The following LGR4 variants were observed in gnomAD, a reference collection of about 807,000 sequenced individuals.
The protein encoded by LGR4 is leucine rich repeat containing G protein-coupled receptor 4, also known as leucine-rich repeat-containing G protein-coupled receptor 4.
Under a neutral mutation model 84.8 loss-of-function variants are expected in LGR4, and 44 were observed. That is an observed-to-expected ratio of 0.52 (90% CI 0.41 to 0.67). The LOEUF is 0.67. Ranked by LOEUF, LGR4 falls within the 30% of genes least tolerant of loss-of-function variation. The pLI is 0.00. For missense variants in LGR4, 1,032 were observed against 1,131.4 expected, an observed-to-expected ratio of 0.91 and a Z score of 1.26; for synonymous variants, 429 against 434.3, an observed-to-expected ratio of 0.99 and a Z score of 0.15.
intron 16 of LGR4, 57 bp from the exon 17 acceptor site, chr11:27,371,755 A>G: frequency 7.7e-7 from 1 of 1,303,712 alleles, no homozygotes; most frequent in South Asian, 1.2e-5. Context: ...CAAAAGAACC[A>G]TATTTTCCTG....
At position 27,382,252 on chromosome 11, in the gene LGR4, A is replaced by C. The variant is rs1474383258; in HGVS notation, c.694T>G (p.Leu232Val). The change falls in exon 7 of 18, where the codon TTG (leucine) becomes GTG (valine). Residue 232 changes from leucine to valine, a missense_variant. By Grantham distance (32) the Leu-to-Val change is conservative (BLOSUM62 1). Coordinates refer to ENST00000379214, the MANE Select transcript of LGR4 (RefSeq NM_018490.5). ...DGLDNLETLD[L>V]NYNNLGEFPQ... ...AATTCCCCCAAGTTATTATAATTCA[A>C]GTCTCTAGAAAAAAATGGGTGAAAA... The C allele has an allele frequency of 3.1e-6, 5 of 1,600,582 alleles. No homozygotes were observed. Among genetic ancestry groups the C allele is most frequent in the Admixed American group, 1.7e-5 (1 of 59,894 alleles).
intron 17 of LGR4, among the ~76,000 whole-genome samples, chr11:27,369,369 T>C (rs1862839081): frequency 1.3e-5 from 2 of 152,210 alleles, no homozygotes; most frequent in Admixed American, 1.3e-4. Flanking sequence ...GGTAAGGCTA[T>C]AAATATTTCT....
At chr11:27,378,214 T>G (rs1863025461) in intron 11 of LGR4, among the ~76,000 whole-genome samples, 1 of 152,240 alleles carries the variant, frequency 6.6e-6, no homozygotes, top group Non-Finnish European at 1.5e-5. Flanking sequence ...TGAGTACTTA[T>G]TAACAACTTA....
intron 16 of LGR4, 72 bp downstream of exon 16, chr11:27,372,211 G>A (rs2133361428): frequency 4.3e-6 from 4 of 923,886 alleles, no homozygotes; most frequent in Non-Finnish European, 7.2e-6. Flanking sequence ...CATTCACAAA[G>A]TAATTATAAT....
At chr11:27,420,773 G>A (rs1863911440) in intron 1 of LGR4, among the ~76,000 whole-genome samples, 1 of 152,204 alleles carries the variant, frequency 6.6e-6, no homozygotes, top group South Asian at 2.1e-4. Flanking sequence ...TGTCTTGGGG[G>A]AAGGTGGAGG....
intron 1 of LGR4, among the ~76,000 whole-genome samples, chr11:27,448,509 C>G (rs1864430817): frequency 6.6e-6 from 1 of 152,082 alleles, no homozygotes; most frequent in Non-Finnish European, 1.5e-5. Flanking sequence ...TCAGGCTGGT[C>G]TCGAACTCCC....
intron 1 of LGR4, 68 bp from the exon 2 acceptor site, chr11:27,412,928 G>T: frequency 2.0e-6 from 2 of 1,022,364 alleles, no homozygotes; most frequent in South Asian, 1.3e-5. Context: ...TAATCCAACA[G>T]AAAACTAACT....
chr11:27,466,371 A>T (rs1198759275), intron 1 of LGR4, among the ~76,000 whole-genome samples: 6 of 152,248 alleles, frequency 3.9e-5, no homozygotes, highest in Non-Finnish European at 8.8e-5. Context: ...AGAGAGAGGC[A>T]TTAGCCATCA....
intron 13 of LGR4, 52 bp from the exon 14 acceptor site, chr11:27,374,098 CACTT>C (rs1565069759): frequency 8.7e-7 from 1 of 1,148,662 alleles, no homozygotes. Flanking sequence ...CTCAGAATGC[CACTT>C]ACTTAGACTA....
chr11:27,392,928 C>T (rs1007760908), intron 2 of LGR4, among the ~76,000 whole-genome samples: 1 of 152,102 alleles, frequency 6.6e-6, no homozygotes, highest in Non-Finnish European at 1.5e-5. Flanking sequence ...AGGAAGAATG[C>T]TTTTGGGAGG....
At chr11:27,471,730 C>T (rs2133467873) in intron 1 of LGR4, 1 of 159,848 alleles carries the variant, frequency 6.3e-6, no homozygotes, top group Middle Eastern at 2.8e-3. Flanking sequence ...GGAACTCCTG[C>T]CCGCTGAGCG....
intron 1 of LGR4, among the ~76,000 whole-genome samples, chr11:27,431,151 T>C (rs1402639241): frequency 6.6e-6 from 1 of 152,192 alleles, no homozygotes; most frequent in Non-Finnish European, 1.5e-5. Context: ...TTTACTTTAT[T>C]AGAAAACAAA....
Position 27,368,813 on chromosome 11 carries a change from A to G in LGR4, c.1910T>C (p.Met637Thr). The part of the protein sequence containing the change: ...FSSESAIFLL[M>T]LATVERSLSA... ...TAAGCTTCTTTCGACAGTTGCTAGC[A>G]TTAATAAAAATATGGCACTTTCTGA... The change falls in exon 18 of 18, where the codon ATG becomes ACG. Residue 637 changes from methionine (M) to threonine (T), a missense_variant. Physicochemically the swap from Met to Thr is moderately conservative, Grantham distance 81. Coordinates refer to ENST00000379214, the MANE Select transcript of LGR4 (RefSeq NM_018490.5). The G allele has an allele frequency of 1.2e-6, 2 of 1,614,198 alleles. No individual in the cohort carries two copies. Among genetic ancestry groups the G allele is most frequent in the Admixed American group, 3.3e-5 (2 of 60,018 alleles).
At chr11:27,397,957 A>G (rs893098030) in intron 2 of LGR4, among the ~76,000 whole-genome samples, 1 of 152,200 alleles carries the variant, frequency 6.6e-6, no homozygotes, top group Non-Finnish European at 1.5e-5. Flanking sequence ...AATCCTCTAG[A>G]TTTCCGCTTT....
Position 27,368,762 on chromosome 11 carries a change from C to T in LGR4, c.1961G>A (p.Gly654Glu). 6.2e-7 allele frequency: 1 copy of T among 1,613,932 alleles called. No individual in the cohort carries two copies. Among genetic ancestry groups the T allele is most frequent in the Non-Finnish European group, 8.5e-7 (1 of 1,179,950 alleles). The change falls in exon 18 of 18, where the codon GGG (glycine) becomes GAG (glutamate). Residue 654 changes from glycine to glutamate, a missense_variant. Coordinates refer to ENST00000379214, the MANE Select transcript of LGR4 (RefSeq NM_018490.5). The stretch of plus-strand genomic sequence containing the variant: ...GAACTGTTTGAGATGATTGCTCTTC[C>T]CATTTTTCATTATATCTTTTGCAGA... ...SLSAKDIMKN[G>E]KSNHLKQFRV...
At chr11:27,380,854 C>T in intron 8 of LGR4, 41 bp downstream of exon 8, 1 of 1,301,144 alleles carries the variant, frequency 7.7e-7, no homozygotes, top group Non-Finnish European at 1.1e-6. Context: ...GACACAGCTT[C>T]ACATAATTAT....
chr11:27,463,781 C>G (rs894500467), intron 1 of LGR4, among the ~76,000 whole-genome samples: 10 of 152,066 alleles, frequency 6.6e-5, no homozygotes, highest in Admixed American at 1.3e-4. Context: ...AGTGAAACTC[C>G]ATCTCAAAAA....
rs1220191630 is a variant in LGR4 at position 27,377,204 on chromosome 11, T to C, written c.1063A>G (p.Ile355Val). Residue 355 changes from isoleucine (I) to valine (V), a missense_variant, in exon 12 of 18, where the codon ATA (isoleucine) becomes GTA (valine). Ile to Val is a conservative substitution (Grantham distance 29). Coordinates refer to ENST00000379214, the MANE Select transcript of LGR4 (RefSeq NM_018490.5). ...LRTLDLSYNN[I>V]RDLPSFNGCH... ...CCATTAAAACTTGGAAGGTCTCTTA[T>C]ATTATTGTAAGACAAGTCCCTTAAA... 1 of 1,570,764 alleles carries C rather than the reference T, an allele frequency of 6.4e-7. No homozygotes were observed.
In LGR4 at chr11:27,377,237, A is replaced by C. The variant is rs376289208; in HGVS notation, c.1044-14T>G. 1 of 1,269,134 alleles carries C rather than the reference A, an allele frequency of 7.9e-7. No homozygotes were observed. Among genetic ancestry groups the C allele is most frequent in the Non-Finnish European group, 1.1e-6 (1 of 877,814 alleles). 78.6% of individuals were successfully genotyped at this position (1,269,134 alleles called of 1,614,324 possible). A position where few individuals can be genotyped will look rare whatever the true frequency, so the allele number is the denominator to read the frequency against. On this transcript the variant is annotated splice_polypyrimidine_tract_variant and intron_variant, in intron 11 of 17. Coordinates refer to ENST00000379214, the MANE Select transcript of LGR4 (RefSeq NM_018490.5). Reference sequence around the variant, plus strand: ...TAAGACAAGTCCCTTAAAACAATGGAAATTAACAAATTAATGCTATGTTAT... The same window carrying C: ...TAAGACAAGTCCCTTAAAACAATGGCAATTAACAAATTAATGCTATGTTAT...
Sources: gnomAD v4.1 joint callset for allele counts (sites outside exome capture counted in the v4.1 genomes callset) on GRCh38, gnomAD v4.1.1 for gene constraint, MANE v1.5 for transcripts, NCBI Gene and HGNC (gene_info 2026-07-23, HGNC 2026-07-21) for gene names.